Variants in TTBK1 observed in about 807,000 individuals in gnomAD.
The protein encoded by TTBK1 is tau tubulin kinase 1.
A neutral mutation model predicts 108.5 loss-of-function variants in TTBK1; 34 were observed. The ratio of observed to expected loss-of-function variants is 0.31; its 90% CI spans 0.24 to 0.42. The LOEUF (loss-of-function observed/expected upper bound fraction) is 0.42, where lower values mean the gene tolerates loss of function less well. TTBK1 is among the 10% of genes least tolerant of loss of function. TTBK1 has a pLI of 1.00. For missense variants in TTBK1, 1,539 were observed against 1,826.0 expected (o/e 0.84, Z 2.86); for synonymous variants, 809 against 795.1 (o/e 1.02, Z -0.29).
rs770041108 is a variant in TTBK1, at chr6:43,254,543, C to T, written c.472-4C>T. On this transcript the variant is annotated splice_polypyrimidine_tract_variant and splice_region_variant and intron_variant, in intron 5 of 14. Transcript: ENST00000259750. Reference sequence around the variant, plus strand: ...CCAGAGCTCACAGCTGCTGTCTCCCCCAGTCAAACTTTGCCATGGGCAGGC... The same window carrying T: ...CCAGAGCTCACAGCTGCTGTCTCCCTCAGTCAAACTTTGCCATGGGCAGGC... 2 of 1,569,600 alleles carry T rather than the reference C, an allele frequency of 1.3e-6. No individual in the cohort carries two copies. Among genetic ancestry groups the T allele is most frequent in the Admixed American group, 3.8e-5 (2 of 52,094 alleles).
At chr6:43,251,927 G>A (rs763368742) in intron 2 of TTBK1, among the ~76,000 whole-genome samples, 1 of 152,166 alleles carries the variant, frequency 6.6e-6, no homozygotes, top group East Asian at 1.9e-4. Flanking sequence ...GTGACTCTTG[G>A]GTGGTTGCCA....
Position 43,259,785 on chromosome 6 carries a change from A to T in TTBK1, c.1424+79A>T. ...GTGGCTGGTCTGGAGGAAAAGTTAG[A>T]TGTGTGGCGGAGGTGGGCAGACCCT... On this transcript the variant is annotated intron_variant, in intron 12 of 14. Transcript: ENST00000259750. The surrounding 1 kb of genome is among the most constrained non-coding windows in gnomAD (Gnocchi z 6.7). 3 of 1,393,430 alleles carry T rather than the reference A, an allele frequency of 2.2e-6. No homozygotes were observed. The highest frequency in any genetic ancestry group is 1.5e-5 in the African/African-American group (1 of 68,178). The allele number at this position is 1,393,430 out of a possible 1,614,324, so 86.3% of individuals were successfully genotyped here. A position where few individuals can be genotyped will look rare whatever the true frequency, so the allele number is the denominator to read the frequency against.
chr6:43,282,985 G>A lies in TTBK1; in HGVS notation c.2245G>A (p.Glu749Lys), dbSNP rs781377982. 1.1e-5 allele frequency: 18 copies of A among 1,593,254 alleles called. No individual in the cohort carries two copies. The Admixed American group carries it at 3.1e-4, about 28-fold the overall frequency. Residue 749 changes from glutamate to lysine, a missense_variant, in exon 14 of 15, where the codon GAG becomes AAG. Glu to Lys is a moderately conservative substitution (Grantham distance 56). Coordinates refer to ENST00000259750, the MANE Select transcript of TTBK1 (RefSeq NM_032538.3). This position sits in a 1 kb window ranked among gnomAD's most constrained non-coding sequence, Gnocchi z 5.4. ...EEDEEEEEED[E>K]EEEEEEEEEE... ...AGATGAGGAAGAGGAAGAAGAGGAT[G>A]AGGAAGAAGAAGAGGAGGAAGAGGA...
At chr6:43,261,326 G>A (rs1164957494) in intron 12 of TTBK1, among the ~76,000 whole-genome samples, 1 of 152,112 alleles carries the variant, frequency 6.6e-6, no homozygotes, top group Non-Finnish European at 1.5e-5. Context: ...TGAGGGAGTG[G>A]CACAAACCCC....
Position 43,282,736 on chromosome 6 carries a change from G to A in TTBK1, c.1996G>A (p.Val666Met), listed in dbSNP as rs753967153. ...TGTATGCCCCTTGCAGGTGTTCTCC[G>A]TGGCGCCCCCATTTGAGGTGAATGG... ...PTGPQRQVFS[V>M]APPFEVNGLP... The change falls in exon 14 of 15, where the codon GTG (valine) becomes ATG (methionine). Residue 666 changes from valine (V) to methionine (M), a missense_variant. Transcript: ENST00000259750. This position sits in a 1 kb window ranked among gnomAD's most constrained non-coding sequence, Gnocchi z 5.4. 15 of 1,603,896 alleles carry A rather than the reference G, an allele frequency of 9.4e-6. No homozygotes were observed. Among genetic ancestry groups the A allele is most frequent in the East Asian group, 4.5e-5 (2 of 44,808 alleles).
rs1428466237 is a variant in TTBK1, at chr6:43,283,836, A to C, written c.3096A>C (p.Pro1032=). Residue 1032 remains proline, a synonymous_variant, in exon 14 of 15, where the codon CCA becomes CCC. Coordinates refer to ENST00000259750, the MANE Select transcript of TTBK1 (RefSeq NM_032538.3). This position sits in a 1 kb window ranked among gnomAD's most constrained non-coding sequence, Gnocchi z 8.1. ...CAGCCCCGGTGTCCCCGCTGGAGCC[A>C]AGCCCTGAGAAAGTGGCCACCATCT... ...DGPAPVSPLE[P]SPEKVATISP... is the part of the protein sequence containing the mutation. 6.2e-7 allele frequency: 1 copy of C among 1,610,144 alleles called. No individual in the cohort carries two copies. The highest frequency in any genetic ancestry group is 1.1e-5 in the South Asian group (1 of 90,832).
chr6:43,247,365 C>T (rs930780934), intron 2 of TTBK1, among the ~76,000 whole-genome samples: 1 of 152,132 alleles, frequency 6.6e-6, no homozygotes, highest in Non-Finnish European at 1.5e-5. Flanking sequence ...TAGTCTCAGC[C>T]TCCTCGGGAG....
In TTBK1 at chr6:43,283,738, G is replaced by A; in HGVS notation, c.2998G>A (p.Gly1000Arg). 1.2e-6 allele frequency: 2 copies of A among 1,613,796 alleles called. No homozygotes were observed. The highest frequency in any genetic ancestry group is 2.2e-5 in the South Asian group (2 of 91,088). Residue 1000 changes from glycine (G) to arginine (R), a missense_variant, in exon 14 of 15, where the codon GGG (glycine) becomes AGG (arginine). Coordinates refer to ENST00000259750, the MANE Select transcript of TTBK1 (RefSeq NM_032538.3). This position sits in a 1 kb window ranked among gnomAD's most constrained non-coding sequence, Gnocchi z 8.1. ...TGAGATAGAGGGCTCTGCCCTGTCT[G>A]GGGCCCCCCGGGAAACCCCCTCAGA... ...GAEIEGSALS[G>R]APRETPSEMA...
rs554870167 is a variant in TTBK1, at chr6:43,280,668, C to A, written c.1987-2059C>A. Among the ~76,000 whole-genome samples, 53 of 152,186 alleles carry A rather than the reference C, an allele frequency of 3.5e-4. No homozygotes were observed. In the South Asian group the frequency reaches 9.8e-3, roughly 28 times the overall value. On this transcript the variant is annotated intron_variant, in intron 13 of 14. Transcript: ENST00000259750. ...GATCTCTGTGTATCAGGAGAGGGAA[C>A]CCTATAAATACACGCATGTAGGACA...
chr6:43,263,392 C>T lies in TTBK1; in HGVS notation c.1986+42C>T. 6.9e-7 allele frequency: 1 copy of T among 1,443,344 alleles called. No individual in the cohort carries two copies. 89.4% of individuals were successfully genotyped at this position (1,443,344 alleles called of 1,614,324 possible). ...ACCCCACTCCCCATCTCCAGATGCC[C>T]AGAGTCCTGGTGTGTAGGCCTGGGG... On this transcript the variant is annotated intron_variant, in intron 13 of 14. Coordinates refer to ENST00000259750, the MANE Select transcript of TTBK1 (RefSeq NM_032538.3). The surrounding 1 kb of genome is among the most constrained non-coding windows in gnomAD (Gnocchi z 4.7).
chr6:43,280,052 A>T (rs1198459139), intron 13 of TTBK1, among the ~76,000 whole-genome samples: 1 of 151,562 alleles, frequency 6.6e-6, no homozygotes, highest in East Asian at 2.0e-4. Context: ...AAGTTTTCTA[A>T]GAAAGTTCCC....
At position 43,282,905 on chromosome 6, in the gene TTBK1, T is replaced by C. The variant is rs768667160; in HGVS notation, c.2165T>C (p.Leu722Pro). The change falls in exon 14 of 15, where the codon CTG (leucine) becomes CCG (proline). Residue 722 changes from leucine (L) to proline (P), a missense_variant. Physicochemically the swap from Leu to Pro is moderately conservative, Grantham distance 98. Transcript: ENST00000259750. The surrounding 1 kb of genome is among the most constrained non-coding windows in gnomAD (Gnocchi z 5.4). ...CTGCTCACCACCCCCCAGGTCCCAC[T>C]GGCTCCTGTTCAGCCTCAGGCTAAT... is the stretch of plus-strand genomic sequence containing the variant. Reference protein sequence around the residue: ...HMLLTTPQVPLAPVQPQANGK... With the variant: ...HMLLTTPQVPPAPVQPQANGK... 6.2e-7 allele frequency: 1 copy of C among 1,613,566 alleles called. No homozygotes were observed. Among genetic ancestry groups the C allele is most frequent in the Non-Finnish European group, 8.5e-7 (1 of 1,179,904 alleles).
At chr6:43,277,188 T>G (rs1675376971) in intron 13 of TTBK1, among the ~76,000 whole-genome samples, 1 of 152,038 alleles carries the variant, frequency 6.6e-6, no homozygotes, top group South Asian at 2.1e-4. Context: ...ATCTGAGAGA[T>G]ATGGGAGATG....
rs753433017 is a variant in TTBK1, at chr6:43,285,078, C to T, written c.3668C>T (p.Ala1223Val). Residue 1223 changes from alanine (A) to valine (V), a missense_variant, in exon 15 of 15, where the codon GCC (alanine) becomes GTC (valine). By Grantham distance (64) the Ala-to-Val change is moderately conservative. Coordinates refer to ENST00000259750, the MANE Select transcript of TTBK1 (RefSeq NM_032538.3). The surrounding 1 kb of genome is among the most constrained non-coding windows in gnomAD (Gnocchi z 4.7). ...GGCCTGGGCCCAGGGCGAGCCCAAG[C>T]CGGAGCCAGGCCCCCAGCGCCGCGC... is the stretch of plus-strand genomic sequence containing the variant. The part of the protein sequence containing the change: ...GRGLGPGRAQ[A>V]GARPPAPRSP... The T allele has an allele frequency of 3.4e-6, 5 of 1,491,962 alleles. No homozygotes were observed. The Admixed American group carries it at 1.1e-4, about 34-fold the overall frequency. 92.4% of individuals were successfully genotyped at this position (1,491,962 alleles called of 1,614,324 possible). A position where few individuals can be genotyped will look rare whatever the true frequency, so the allele number is the denominator to read the frequency against.
Position 43,269,593 on chromosome 6 carries a change from G to T in TTBK1, c.1986+6243G>T. 1 of 1,550,168 alleles carries T rather than the reference G, an allele frequency of 6.5e-7. No individual in the cohort carries two copies. On this transcript the variant is annotated intron_variant, in intron 13 of 14. Transcript: ENST00000259750. This position sits in a 1 kb window ranked among gnomAD's most constrained non-coding sequence, Gnocchi z 4.8. The stretch of plus-strand genomic sequence containing the variant: ...GGGTGGCCCCGGAGACGGAGCTGTC[G>T]AGTCTGTGCCTGACACCTCTTTTCC...
At chr6:43,260,402 TCACTC>T (rs1486274214) in intron 12 of TTBK1, among the ~76,000 whole-genome samples, 1 of 152,172 alleles carries the variant, frequency 6.6e-6, no homozygotes, top group Non-Finnish European at 1.5e-5. Context: ...GAGTGGGACT[TCACTC>T]CACAGTAGGA....
intron 1 of TTBK1, among the ~76,000 whole-genome samples, chr6:43,245,647 G>A (rs1777065896): frequency 6.6e-6 from 1 of 152,026 alleles, no homozygotes; most frequent in Non-Finnish European, 1.5e-5. Flanking sequence ...GGTAACATGT[G>A]CCTGTCTTTC....
chr6:43,280,811 T>C (rs1387375781), intron 13 of TTBK1, among the ~76,000 whole-genome samples: 1 of 152,180 alleles, frequency 6.6e-6, no homozygotes, highest in African/African-American at 2.4e-5. Flanking sequence ...TCCTCTTTGC[T>C]AAGACCAGGA....
intron 13 of TTBK1, chr6:43,270,743 T>G (rs1039143576): frequency 5.1e-6 from 5 of 985,134 alleles, no homozygotes; most frequent in Non-Finnish European, 6.0e-6. Context: ...GGGATCCACC[T>G]CCCAAGGCAG....
Sources: allele counts gnomAD v4.1 joint callset (sites outside exome capture counted in the v4.1 genomes callset), GRCh38; gene constraint gnomAD v4.1.1; non-coding constraint Gnocchi (gnomAD v3.1); transcripts MANE v1.5; gene names NCBI Gene and HGNC (gene_info 2026-07-23, HGNC 2026-07-21).